Variants in LBP observed in about 807,000 individuals in gnomAD.
LBP encodes the protein lipopolysaccharide binding protein.
In LBP, 53 loss-of-function variants were observed where a neutral mutation model predicts 56.6. That is an observed-to-expected ratio of 0.94 (90% CI 0.75 to 1.18). The LOEUF is 1.18. LBP is among the 50% of genes most tolerant of loss of function. LBP has a pLI of 0.00. For missense variants in LBP, 601 were observed against 598.3 expected, an observed-to-expected ratio of 1.00 and a Z score of -0.05; for synonymous variants, 227 against 247.5, an observed-to-expected ratio of 0.92 and a Z score of 0.78.
chr20:38,363,184 G>A lies in LBP; in HGVS notation c.653-791G>A, dbSNP rs553591440. Among the ~76,000 whole-genome samples, 55 of 152,208 alleles carry A rather than the reference G, an allele frequency of 3.6e-4. 4 individuals carry two copies. In the South Asian group the frequency reaches 0.011, roughly 31 times the overall value. ...TCGCATGTCTTTGGGTATATATCTG[G>A]GAGTGAAATTGCAAGCTCGTCATAT... On this transcript the variant is annotated intron_variant, in intron 6 of 14. Transcript: ENST00000217407.
intron 1 of LBP, among the ~76,000 whole-genome samples, chr20:38,347,602 A>G (rs746002444): frequency 8.5e-5 from 13 of 152,150 alleles, no homozygotes; most frequent in Non-Finnish European, 1.9e-4. Context: ...TTTTTTAAAT[A>G]CTGAAACAAA....
intron 1 of LBP, among the ~76,000 whole-genome samples, chr20:38,348,337 G>A (rs2076807976): frequency 6.7e-6 from 1 of 149,186 alleles, no homozygotes; most frequent in African/African-American, 2.5e-5. Flanking sequence ...TTTTTGAAAC[G>A]GAGTCTCACT....
intron 12 of LBP, among the ~76,000 whole-genome samples, chr20:38,371,719 T>C (rs1231872823): frequency 1.3e-5 from 2 of 152,260 alleles, no homozygotes; most frequent in Admixed American, 6.5e-5. Flanking sequence ...TCCATCTCTC[T>C]GTTCTGTTTT....
intron 13 of LBP, 81 bp from the exon 14 acceptor site, chr20:38,373,856 C>A: frequency 8.3e-7 from 1 of 1,210,540 alleles, no homozygotes; most frequent in Non-Finnish European, 1.2e-6. Context: ...ATAGAGTTTG[C>A]AGAGAACATT....
chr20:38,376,848 C>G lies in LBP; in HGVS notation c.*179C>G. The G allele has an allele frequency of 1.4e-6, 1 of 721,342 alleles. No individual in the cohort carries two copies. The allele number at this position is 721,342 out of a possible 1,614,324, so 44.7% of individuals were successfully genotyped here. ...TCTTCACCAGGTGCATGCATGCCCT[C>G]TCTGAGTCTGGACTTTGCTTCCCCT... On this transcript the variant is annotated 3_prime_UTR_variant, in exon 15 of 15. Transcript: ENST00000217407.
intron 5 of LBP, among the ~76,000 whole-genome samples, chr20:38,356,412 A>C (rs2076840358): frequency 1.6e-5 from 1 of 61,614 alleles, no homozygotes; most frequent in Non-Finnish European, 2.8e-5. Flanking sequence ...CCCACACCAC[A>C]CACACGCGCA....
At position 38,370,634 on chromosome 20, in the gene LBP, AT is replaced by A. The variant is rs2076897664; in HGVS notation, c.1150-102del. The stretch of plus-strand genomic sequence containing the variant: ...GTGGGCAAATTTCCTGCTTTAGCTC[AT>A]TGAGCTGTTTGTTGAGAGGAGACAG... On this transcript the variant is annotated intron_variant, in intron 10 of 14. Coordinates refer to ENST00000217407, the MANE Select transcript of LBP (RefSeq NM_004139.5). 5 of 1,019,634 alleles carry A rather than the reference AT, an allele frequency of 4.9e-6. No individual in the cohort carries two copies. In the East Asian group the frequency reaches 1.2e-4, roughly 25 times the overall value. The allele number at this position is 1,019,634 out of a possible 1,614,324, so 63.2% of individuals were successfully genotyped here. A position where few individuals can be genotyped will look rare whatever the true frequency, so the allele number is the denominator to read the frequency against.
chr20:38,359,213 G>A (rs756453726), intron 5 of LBP, among the ~76,000 whole-genome samples: 3 of 151,508 alleles, frequency 2.0e-5, no homozygotes, highest in Non-Finnish European at 4.4e-5. Context: ...TTTGTTTTTC[G>A]TTTTTTTGGT....
chr20:38,376,842 T>C lies in LBP; in HGVS notation c.*173T>C, dbSNP rs762884038. 90 of 719,450 alleles carry C rather than the reference T, an allele frequency of 1.3e-4. 1 individual carries two copies. In the South Asian group the frequency reaches 1.3e-3, roughly 10 times the overall value. 44.6% of individuals were successfully genotyped at this position (719,450 alleles called of 1,614,324 possible). A position where few individuals can be genotyped will look rare whatever the true frequency, so the allele number is the denominator to read the frequency against. Reference sequence around the variant, plus strand: ...TCCTCCTCTTCACCAGGTGCATGCATGCCCTCTCTGAGTCTGGACTTTGCT... The same window carrying C: ...TCCTCCTCTTCACCAGGTGCATGCACGCCCTCTCTGAGTCTGGACTTTGCT... On this transcript the variant is annotated 3_prime_UTR_variant, in exon 15 of 15. Transcript: ENST00000217407.
chr20:38,360,276 A>G (rs972087641), intron 5 of LBP, among the ~76,000 whole-genome samples: 1 of 144,386 alleles, frequency 6.9e-6, no homozygotes, highest in Admixed American at 6.7e-5. Flanking sequence ...AAAAAAAAAC[A>G]AAAAAACTAT....
intron 9 of LBP, among the ~76,000 whole-genome samples, chr20:38,367,964 G>C (rs746992376): frequency 6.6e-6 from 1 of 151,968 alleles, no homozygotes; most frequent in Non-Finnish European, 1.5e-5. Context: ...GGCCAAAGTG[G>C]GGGGGTAGCT....
At chr20:38,354,461 G>A in intron 4 of LBP, 22 bp downstream of exon 4, 1 of 1,593,168 alleles carries the variant, frequency 6.3e-7, no homozygotes, top group African/African-American at 1.3e-5. Context: ...TCGGGGCACT[G>A]CCAGCTGGAC....
chr20:38,374,763 C>T (rs1342517898), intron 14 of LBP, among the ~76,000 whole-genome samples: 1 of 149,024 alleles, frequency 6.7e-6, no homozygotes, highest in African/African-American at 2.5e-5. Flanking sequence ...CCCATTTAAA[C>T]AAGTACTACA....
intron 12 of LBP, among the ~76,000 whole-genome samples, chr20:38,371,971 A>G (rs539566109): frequency 1.3e-5 from 2 of 152,374 alleles, no homozygotes; most frequent in South Asian, 2.1e-4. Context: ...TCCAAAGCAC[A>G]TGGACCAAGA....
chr20:38,364,164 C>A, intron 7 of LBP, 98 bp downstream of exon 7: 1 of 803,578 alleles, frequency 1.2e-6, no homozygotes. Flanking sequence ...CTGTCCTCAT[C>A]CTCCCAGTGG....
chr20:38,376,412 A>G (rs2083958652), intron 14 of LBP, among the ~76,000 whole-genome samples: 1 of 152,150 alleles, frequency 6.6e-6, no homozygotes, highest in African/African-American at 2.4e-5. Context: ...AGCTCGGGGA[A>G]TGACAGATCG....
Position 38,350,803 on chromosome 20 carries a change from C to T in LBP, c.240-8C>T, listed in dbSNP as rs759143255. On this transcript the variant is annotated splice_polypyrimidine_tract_variant and splice_region_variant and intron_variant, in intron 2 of 14. Transcript: ENST00000217407. ...GGCTGACACCTCCTTCCATGTCTCT[C>T]CCTTCAGCCTGAACATCCACAGCTG... 1.2e-6 allele frequency: 2 copies of T among 1,600,664 alleles called. No individual in the cohort carries two copies. Among genetic ancestry groups the T allele is most frequent in the Non-Finnish European group, 1.7e-6 (2 of 1,170,326 alleles).
intron 9 of LBP, 48 bp from the exon 10 acceptor site, chr20:38,368,947 A>G: frequency 6.3e-7 from 1 of 1,585,340 alleles, no homozygotes. Flanking sequence ...CTCCTGGCAG[A>G]CTTGTATATT....
At position 38,346,680 on chromosome 20, in the gene LBP, C is replaced by T. The variant is rs557770581; in HGVS notation, c.124+40C>T. On this transcript the variant is annotated intron_variant, in intron 1 of 14. Transcript: ENST00000217407. Reference sequence around the variant, plus strand: ...CTGCTGGCTGGACTTGGCAAACCCACGCTCCAGGCTGCTCTGGGTACAGTG... The same window carrying T: ...CTGCTGGCTGGACTTGGCAAACCCATGCTCCAGGCTGCTCTGGGTACAGTG... 1.9e-5 allele frequency: 30 copies of T among 1,610,512 alleles called. No individual in the cohort carries two copies. In the East Asian group the frequency reaches 2.9e-4, roughly 16 times the overall value.
Sources: gnomAD v4.1 joint callset for allele counts (sites outside exome capture counted in the v4.1 genomes callset) on GRCh38, gnomAD v4.1.1 for gene constraint, MANE v1.5 for transcripts, NCBI Gene and HGNC (gene_info 2026-07-23, HGNC 2026-07-21) for gene names.